The following MAGI2 variants were observed in gnomAD, a reference collection of about 807,000 sequenced individuals.
The protein encoded by MAGI2 is membrane-associated guanylate kinase, WW and PDZ domain-containing protein 2.
Under a neutral mutation model 133.3 loss-of-function variants are expected in MAGI2, and 35 were observed. That is an observed-to-expected ratio of 0.26 (90% CI 0.20 to 0.35). The LOEUF (loss-of-function observed/expected upper bound fraction) is 0.35. Ranked by LOEUF, MAGI2 falls within the 10% of genes least tolerant of loss-of-function variation. MAGI2 has a pLI of 1.00. For missense variants in MAGI2, 1,636 were observed against 1,863.4 expected, an observed-to-expected ratio of 0.88 and a Z score of 2.25; for synonymous variants, 729 against 710.6, an observed-to-expected ratio of 1.03 and a Z score of -0.41.
intron 2 of MAGI2, among the ~76,000 whole-genome samples, chr7:78,674,418 T>G (rs1488053052): frequency 6.6e-6 from 1 of 152,098 alleles, no homozygotes; most frequent in Non-Finnish European, 1.5e-5. Context: ...ACTAGCTACA[T>G]GTTAGGCCCC....
At chr7:78,777,750 C>T (rs1826097818) in intron 2 of MAGI2, among the ~76,000 whole-genome samples, 1 of 152,034 alleles carries the variant, frequency 6.6e-6, no homozygotes, top group South Asian at 2.1e-4. Flanking sequence ...TATAATGGGC[C>T]GAGTGAAAGT....
Position 78,345,802 on chromosome 7 carries a change from A to G in MAGI2, c.1225+120T>C, listed in dbSNP as rs112738871. The stretch of plus-strand genomic sequence containing the variant: ...AAACATCCAGCTAAAGCTAATAGGA[A>G]GGTCTGGAGAAAGCAAATCAATTTT... On this transcript the variant is annotated intron_variant, in intron 8 of 21. Coordinates refer to ENST00000354212, the MANE Select transcript of MAGI2 (RefSeq NM_012301.4). The G allele has an allele frequency of 1.3e-4, 173 of 1,356,760 alleles. 1 individual carries two copies. The African/African-American group carries it at 2.3e-3, about 18-fold the overall frequency. 84.0% of individuals were successfully genotyped at this position (1,356,760 alleles called of 1,614,324 possible). A position where few individuals can be genotyped will look rare whatever the true frequency, so the allele number is the denominator to read the frequency against.
chr7:79,206,505 C>A (rs1829073197), intron 1 of MAGI2, among the ~76,000 whole-genome samples: 1 of 151,512 alleles, frequency 6.6e-6, no homozygotes, highest in Non-Finnish European at 1.5e-5. Flanking sequence ...TGCTACCTAC[C>A]AAGACTAAAT....
chr7:79,067,000 T>A (rs1415372054), intron 1 of MAGI2, among the ~76,000 whole-genome samples: 1 of 152,222 alleles, frequency 6.6e-6, no homozygotes, highest in African/African-American at 2.4e-5. Flanking sequence ...CATGCTGTTT[T>A]GGTTACTGTA....
chr7:78,291,220 A>T (rs559615341), intron 9 of MAGI2, among the ~76,000 whole-genome samples: 19 of 152,344 alleles, frequency 1.2e-4, no homozygotes, highest in African/African-American at 4.1e-4. Flanking sequence ...GAAGAATCAA[A>T]TAGACGCAAT....
intron 1 of MAGI2, among the ~76,000 whole-genome samples, chr7:79,316,448 C>T (rs537390175): frequency 6.6e-6 from 1 of 152,192 alleles, no homozygotes; most frequent in East Asian, 1.9e-4. Flanking sequence ...TATATATATA[C>T]ACACACATAT....
At chr7:79,144,809 G>C (rs1822461188) in intron 1 of MAGI2, among the ~76,000 whole-genome samples, 1 of 152,254 alleles carries the variant, frequency 6.6e-6, no homozygotes, top group Non-Finnish European at 1.5e-5. Context: ...TTCACAGTTT[G>C]CCGTTTAAAA....
chr7:78,116,806 A>C (rs956113603), intron 20 of MAGI2, among the ~76,000 whole-genome samples: 9 of 152,034 alleles, frequency 5.9e-5, no homozygotes, highest in African/African-American at 2.2e-4. Flanking sequence ...TGAGCTCAGG[A>C]GGTTGATGCT....
chr7:78,458,909 C>T (rs2151503581), intron 6 of MAGI2, among the ~76,000 whole-genome samples: 1 of 152,268 alleles, frequency 6.6e-6, no homozygotes. Flanking sequence ...GTTGGGATTA[C>T]AGGCGTGAGC....
intron 20 of MAGI2, among the ~76,000 whole-genome samples, chr7:78,114,114 C>G (rs1367565312): frequency 6.6e-6 from 1 of 152,190 alleles, no homozygotes; most frequent in Admixed American, 6.5e-5. Flanking sequence ...GTCTGTCAGG[C>G]TCCTGCTCTT....
At chr7:78,181,726 C>A (rs887046616) in intron 13 of MAGI2, among the ~76,000 whole-genome samples, 1 of 152,202 alleles carries the variant, frequency 6.6e-6, no homozygotes, top group Non-Finnish European at 1.5e-5. Flanking sequence ...ATTCTGGGCT[C>A]ACACCAATAT....
chr7:79,377,174 GA>G (rs1472549463), intron 1 of MAGI2, among the ~76,000 whole-genome samples: 1 of 151,812 alleles, frequency 6.6e-6, no homozygotes. Context: ...GCTGGTCTTT[GA>G]AATGGGAGTT....
intron 1 of MAGI2, among the ~76,000 whole-genome samples, chr7:79,159,409 C>T (rs565567419): frequency 9.3e-5 from 14 of 150,900 alleles, no homozygotes; most frequent in African/African-American, 2.4e-4. Context: ...CTCAGCTACT[C>T]GGGAGGCTGA....
chr7:78,810,012 A>T (rs898481843), intron 2 of MAGI2, among the ~76,000 whole-genome samples: 1 of 152,200 alleles, frequency 6.6e-6, no homozygotes, highest in Non-Finnish European at 1.5e-5. Context: ...TTACTAAAAA[A>T]ATATAATTAT....
chr7:78,354,002 G>A (rs1791801992), intron 7 of MAGI2, among the ~76,000 whole-genome samples: 1 of 152,134 alleles, frequency 6.6e-6, no homozygotes, highest in African/African-American at 2.4e-5. Flanking sequence ...TCCTGAACTT[G>A]GGAGCATTAT....
chr7:78,501,340 A>G (rs1794602012), intron 5 of MAGI2, among the ~76,000 whole-genome samples: 1 of 152,168 alleles, frequency 6.6e-6, no homozygotes. Context: ...TTTTTTAGTC[A>G]TAATTATAAG....
At chr7:79,416,040 G>A (rs1003426041) in intron 1 of MAGI2, among the ~76,000 whole-genome samples, 2 of 152,140 alleles carry the variant, frequency 1.3e-5, no homozygotes, top group Non-Finnish European at 2.9e-5. Context: ...AGAAAACTAG[G>A]AGGAAAACTA....
intron 1 of MAGI2, among the ~76,000 whole-genome samples, chr7:79,382,617 G>GT (rs1450526936): frequency 6.6e-6 from 1 of 151,508 alleles, no homozygotes. Context: ...CCACAAATGT[G>GT]TTTTTGTAAG....
chr7:79,072,996 T>A (rs558041837), intron 1 of MAGI2, among the ~76,000 whole-genome samples: 1 of 152,180 alleles, frequency 6.6e-6, no homozygotes, highest in South Asian at 2.1e-4. Context: ...TTGACACAGA[T>A]TTCTTTTCTG....
Sources: allele counts gnomAD v4.1 joint callset (sites outside exome capture counted in the v4.1 genomes callset), GRCh38; gene constraint gnomAD v4.1.1; transcripts MANE v1.5; gene names NCBI Gene and HGNC (gene_info 2026-07-23, HGNC 2026-07-21).